PDZRN4: variants seen among roughly 807,000 people sequenced by gnomAD.
The protein encoded by PDZRN4 is PDZ domain containing ring finger 4, also known as PDZ domain-containing RING finger protein 4.
PDZRN4 carries 70 observed loss-of-function variants against 99.0 expected under a neutral mutation model. That is an observed-to-expected ratio of 0.71 (90% CI 0.58 to 0.86). PDZRN4 has a LOEUF of 0.86. Among genes scored for constraint, PDZRN4 ranks in the 40% least tolerant of loss-of-function variants. The pLI, the probability that PDZRN4 is intolerant of heterozygous loss-of-function variation, is 0.00. For missense variants in PDZRN4, 1,474 were observed against 1,331.2 expected (o/e 1.11, Z -1.67); for synonymous variants, 551 against 501.6 (o/e 1.10, Z -1.32).
chr12:41,380,152 T>A (rs950471185), intron 3 of PDZRN4, among the ~76,000 whole-genome samples: 1 of 152,062 alleles, frequency 6.6e-6, no homozygotes, highest in Non-Finnish European at 1.5e-5. Flanking sequence ...CCGATGTAAA[T>A]TTAGTCACCC....
At chr12:41,380,049 T>A (rs1479453656) in intron 3 of PDZRN4, among the ~76,000 whole-genome samples, 1 of 152,104 alleles carries the variant, frequency 6.6e-6, no homozygotes. Flanking sequence ...CGTATTTCAA[T>A]TGTTATATCT....
intron 3 of PDZRN4, among the ~76,000 whole-genome samples, chr12:41,303,677 C>A (rs1453450181): frequency 6.6e-6 from 1 of 152,114 alleles, no homozygotes; most frequent in African/African-American, 2.4e-5. Flanking sequence ...TGTCAGTATT[C>A]GAGCATGTGA....
At chr12:41,566,788 CA>C (rs1252806610) in intron 8 of PDZRN4, among the ~76,000 whole-genome samples, 1 of 152,066 alleles carries the variant, frequency 6.6e-6, no homozygotes. Context: ...AACTATTATC[CA>C]TGTTTGCTCA....
intron 3 of PDZRN4, among the ~76,000 whole-genome samples, chr12:41,488,526 C>T (rs1403180570): frequency 2.0e-5 from 3 of 152,118 alleles, no homozygotes; most frequent in Non-Finnish European, 4.4e-5. Context: ...TGTCATATGG[C>T]CACTGCCATC....
chr12:41,431,849 T>C (rs1181818446), intron 3 of PDZRN4, among the ~76,000 whole-genome samples: 2 of 152,186 alleles, frequency 1.3e-5, no homozygotes, highest in Non-Finnish European at 2.9e-5. Context: ...GGATGACACA[T>C]GGGAACTATT....
At chr12:41,521,877 T>C (rs1938497774) in intron 5 of PDZRN4, among the ~76,000 whole-genome samples, 1 of 152,086 alleles carries the variant, frequency 6.6e-6, no homozygotes, top group African/African-American at 2.4e-5. Flanking sequence ...TTAAAACTAA[T>C]ACATCCTACA....
chr12:41,495,173 G>A (rs530539226), intron 3 of PDZRN4, among the ~76,000 whole-genome samples: 6 of 152,126 alleles, frequency 3.9e-5, no homozygotes, highest in East Asian at 1.9e-4. Context: ...GAAACAGAGA[G>A]AGAGATTGAA....
At chr12:41,239,967 T>C (rs1382742081) in intron 3 of PDZRN4, among the ~76,000 whole-genome samples, 1 of 152,226 alleles carries the variant, frequency 6.6e-6, no homozygotes, top group African/African-American at 2.4e-5. Context: ...TTTCCCTTTT[T>C]AGAGAGTTCT....
At chr12:41,321,712 G>A (rs770983904) in intron 3 of PDZRN4, among the ~76,000 whole-genome samples, 4 of 151,938 alleles carry the variant, frequency 2.6e-5, no homozygotes, top group Non-Finnish European at 5.9e-5. Context: ...AAATAAATAG[G>A]CCATCTCATA....
At chr12:41,513,101 T>A (rs1435599482) in intron 5 of PDZRN4, among the ~76,000 whole-genome samples, 4 of 152,082 alleles carry the variant, frequency 2.6e-5, no homozygotes, top group Non-Finnish European at 5.9e-5. Flanking sequence ...ACAGACTTAG[T>A]GCATGGATTA....
intron 3 of PDZRN4, among the ~76,000 whole-genome samples, chr12:41,497,693 A>C (rs1209901231): frequency 1.3e-5 from 2 of 152,188 alleles, no homozygotes; most frequent in Admixed American, 6.6e-5. Flanking sequence ...GGAGAGCAGG[A>C]TATCAGGTGA....
At chr12:41,483,654 A>G (rs1937718942) in intron 3 of PDZRN4, among the ~76,000 whole-genome samples, 1 of 152,160 alleles carries the variant, frequency 6.6e-6, no homozygotes, top group South Asian at 2.1e-4. Context: ...GACTAAATCG[A>G]CTGTATGAGT....
chr12:41,469,799 G>A lies in PDZRN4; in HGVS notation c.844-36657G>A, dbSNP rs371737700. 2.0e-3 allele frequency among the ~76,000 whole-genome samples: 305 copies of A among 152,130 alleles called. 8 individuals are homozygous for A. The East Asian group carries it at 0.055, about 27-fold the overall frequency. On this transcript the variant is annotated intron_variant, in intron 3 of 9. Coordinates refer to ENST00000402685, the MANE Select transcript of PDZRN4 (RefSeq NM_001164595.2). ...ACAAAAATTAGCCGGGCGTGGTGGC[G>A]GGCACCTGTAGTCCCAGCTACTTGG... is the stretch of plus-strand genomic sequence containing the variant.
chr12:41,461,922 G>A (rs912530628), intron 3 of PDZRN4, among the ~76,000 whole-genome samples: 1 of 151,956 alleles, frequency 6.6e-6, no homozygotes, highest in East Asian at 1.9e-4. Context: ...AACCCCCCAT[G>A]CCCCTAGAAT....
intron 5 of PDZRN4, among the ~76,000 whole-genome samples, chr12:41,546,996 A>G (rs1223939923): frequency 1.3e-5 from 2 of 152,248 alleles, no homozygotes; most frequent in Non-Finnish European, 2.9e-5. Context: ...ATAGTTAGCA[A>G]TACCTTTAGG....
chr12:41,416,296 T>C (rs1952444937), intron 3 of PDZRN4, among the ~76,000 whole-genome samples: 1 of 152,198 alleles, frequency 6.6e-6, no homozygotes, highest in Non-Finnish European at 1.5e-5. Context: ...AGAATCTTTT[T>C]CCTCTTTCTG....
chr12:41,369,760 C>A (rs1952027475), intron 3 of PDZRN4, among the ~76,000 whole-genome samples: 1 of 151,862 alleles, frequency 6.6e-6, no homozygotes, highest in Non-Finnish European at 1.5e-5. Context: ...TATAAAGTAG[C>A]AGTTAAATTA....
At chr12:41,410,974 G>A (rs755694853) in intron 3 of PDZRN4, among the ~76,000 whole-genome samples, 5 of 151,824 alleles carry the variant, frequency 3.3e-5, no homozygotes, top group Non-Finnish European at 7.4e-5. Flanking sequence ...TACCTCCAAG[G>A]TTCAACCAAT....
intron 3 of PDZRN4, among the ~76,000 whole-genome samples, chr12:41,340,317 A>G (rs1022717526): frequency 6.6e-6 from 1 of 152,046 alleles, no homozygotes; most frequent in Non-Finnish European, 1.5e-5. Context: ...AAGTGAAGTA[A>G]GCCAGGCACA....
Sources: gnomAD v4.1 joint callset for allele counts (sites outside exome capture counted in the v4.1 genomes callset) on GRCh38, gnomAD v4.1.1 for gene constraint, MANE v1.5 for transcripts, NCBI Gene and HGNC (gene_info 2026-07-23, HGNC 2026-07-21) for gene names.